The following GRIK3 variants were observed in gnomAD, a reference collection of about 807,000 sequenced individuals.
The protein encoded by GRIK3 is glutamate ionotropic receptor kainate type subunit 3, also known as glutamate receptor ionotropic, kainate 3.
A neutral mutation model predicts 102.5 loss-of-function variants in GRIK3; 29 were observed. That is an observed-to-expected ratio of 0.28 (90% CI 0.21 to 0.39). GRIK3 has a LOEUF of 0.39. GRIK3 is among the 10% of genes least tolerant of loss of function. The pLI is 1.00. For missense variants in GRIK3, 908 were observed against 1,252.4 expected (o/e 0.73, Z 4.15); for synonymous variants, 511 against 504.9 (o/e 1.01, Z -0.16).
chr1:36,976,605 G>A (rs889850961), intron 1 of GRIK3, among the ~76,000 whole-genome samples: 1 of 152,014 alleles, frequency 6.6e-6, no homozygotes, highest in African/African-American at 2.4e-5. Context: ...TGAGGATTGG[G>A]ACCCAGGAGG....
intron 1 of GRIK3, among the ~76,000 whole-genome samples, chr1:37,009,460 T>C (rs510969): frequency 0.43 from 64,873 of 152,092 alleles, 15,655 homozygotes; most frequent in African/African-American, 0.65. Flanking sequence ...CAGGCTCAAC[T>C]CCCAGGGAGC....
intron 1 of GRIK3, among the ~76,000 whole-genome samples, chr1:36,917,673 G>A (rs1570798225): frequency 6.6e-6 from 1 of 152,332 alleles, no homozygotes; most frequent in African/African-American, 2.4e-5. Flanking sequence ...TGCCATGATT[G>A]TAAAGCCTTC....
intron 1 of GRIK3, among the ~76,000 whole-genome samples, chr1:36,913,737 G>A (rs1315591259): frequency 6.6e-6 from 1 of 152,030 alleles, no homozygotes; most frequent in East Asian, 1.9e-4. Context: ...TGGCTTTCTG[G>A]GAGGAGCTCT....
intron 15 of GRIK3, among the ~76,000 whole-genome samples, chr1:36,803,230 A>T (rs1461451515): frequency 6.6e-6 from 1 of 151,988 alleles, no homozygotes; most frequent in Non-Finnish European, 1.5e-5. Context: ...TCAAGAACAC[A>T]CCCTCTGGGG....
chr1:36,960,995 G>C (rs763206863), intron 1 of GRIK3, among the ~76,000 whole-genome samples: 2 of 152,242 alleles, frequency 1.3e-5, no homozygotes, highest in African/African-American at 2.4e-5. Context: ...GGGTGGGTCA[G>C]TGGTCATTCC....
At chr1:36,918,788 G>C (rs752606606) in intron 1 of GRIK3, among the ~76,000 whole-genome samples, 14 of 152,154 alleles carry the variant, frequency 9.2e-5, no homozygotes, top group African/African-American at 4.8e-5. Context: ...ACAGTGCCTG[G>C]AAACTGAGCC....
intron 1 of GRIK3, among the ~76,000 whole-genome samples, chr1:36,987,715 T>C (rs903037971): frequency 2.0e-5 from 3 of 151,980 alleles, no homozygotes; most frequent in Non-Finnish European, 4.4e-5. Context: ...GGTGGGTGCA[T>C]GGGTATATGG....
At position 36,798,489 on chromosome 1, in the gene GRIK3, A is replaced by T. The variant is rs1187515812; in HGVS notation, c.*3362T>A. 1 of 152,288 alleles carries T rather than the reference A, an allele frequency of 6.6e-6. No individual in the cohort carries two copies. Among genetic ancestry groups the T allele is most frequent in the East Asian group, 1.9e-4 (1 of 5,190 alleles). The allele number at this position is 152,288 out of a possible 1,614,324, so 9.4% of individuals were successfully genotyped here. ...CACATGCATACACACACATACACAC[A>T]CACGCATGCACCTGCCCCAGCTCAG... On this transcript the variant is annotated 3_prime_UTR_variant, in exon 16 of 16. Transcript: ENST00000373091.
chr1:36,815,984 C>T (rs950285489), intron 13 of GRIK3, among the ~76,000 whole-genome samples: 3 of 151,742 alleles, frequency 2.0e-5, no homozygotes, highest in Non-Finnish European at 4.4e-5. Flanking sequence ...CTCCTGACCT[C>T]GTGATCAGCT....
At chr1:37,020,021 G>C (rs1344150235) in intron 1 of GRIK3, among the ~76,000 whole-genome samples, 2 of 152,182 alleles carry the variant, frequency 1.3e-5, no homozygotes, top group Non-Finnish European at 2.9e-5. Context: ...AAATTCCTCA[G>C]AGGCAAGTGA....
intron 1 of GRIK3, among the ~76,000 whole-genome samples, chr1:36,951,062 GAGA>G (rs1187517838): frequency 1.3e-5 from 2 of 152,254 alleles, no homozygotes; most frequent in African/African-American, 2.4e-5. Context: ...CCCAGGAAAG[GAGA>G]AGGTCTGGAG....
Position 36,872,270 on chromosome 1 carries a change from A to G in GRIK3, c.650T>C (p.Leu217Ser), listed in dbSNP as rs144715955. 1 of 1,613,210 alleles carries G rather than the reference A, an allele frequency of 6.2e-7. No homozygotes were observed. Among genetic ancestry groups the G allele is most frequent in the Non-Finnish European group, 8.5e-7 (1 of 1,179,670 alleles). The change falls in exon 4 of 16, where the codon TTG (leucine) becomes TCG (serine). Residue 217 changes from leucine to serine, a missense_variant. Leu to Ser is a moderately radical substitution (Grantham distance 145). Transcript: ENST00000373091. The surrounding 1 kb of genome is among the most constrained non-coding windows in gnomAD (Gnocchi z 5.9). The part of the protein sequence containing the change: ...LPIDSDDSRP[L>S]LKEMKRGREF... ...CCGGCCTCGCTTCATCTCCTTGAGC[A>G]AGGGGCGCGAGTCGTCAGAGTCGAT... is the stretch of plus-strand genomic sequence containing the variant.
chr1:36,933,924 C>T (rs536846249), intron 1 of GRIK3, among the ~76,000 whole-genome samples: 21 of 152,318 alleles, frequency 1.4e-4, no homozygotes, highest in African/African-American at 3.8e-4. Flanking sequence ...CGCCCCCCAC[C>T]ACCTCATCTT....
Position 36,986,470 on chromosome 1 carries a change from C to CAG in GRIK3, c.115+47523_115+47524insCT, listed in dbSNP as rs1642307755. Among the ~76,000 whole-genome samples the CAG allele has an allele frequency of 2.0e-4, 28 of 142,690 alleles. No individual in the cohort carries two copies. The East Asian group carries it at 4.4e-3, about 23-fold the overall frequency. 93.6% of individuals were successfully genotyped at this position (142,690 alleles called of 152,430 possible). ...TCCATCCATCCATCCATCAGCCCATCCATCCATCCATCCATCCATCCATCC... is the reference window on the plus strand; with the variant it reads ...TCCATCCATCCATCCATCAGCCCATCAGCATCCATCCATCCATCCATCCATCC... On this transcript the variant is annotated intron_variant, in intron 1 of 15. Coordinates refer to ENST00000373091, the MANE Select transcript of GRIK3 (RefSeq NM_000831.4).
At chr1:36,979,295 AAT>A (rs1213096383) in intron 1 of GRIK3, among the ~76,000 whole-genome samples, 11 of 152,270 alleles carry the variant, frequency 7.2e-5, no homozygotes, top group African/African-American at 2.2e-4. Flanking sequence ...GGCATGTGCC[AAT>A]GAACCAACAG....
rs1486232096 is a variant in GRIK3 at position 36,860,105 on chromosome 1, GC to G, written c.787-89del. On this transcript the variant is annotated intron_variant, in intron 5 of 15. Coordinates refer to ENST00000373091, the MANE Select transcript of GRIK3 (RefSeq NM_000831.4). ...TCCTACCCACTCCCTAATCAGGGCC[GC>G]CCCAGGGCCTGAGGTCGCAGCTCCC... 18 of 1,035,122 alleles carry G rather than the reference GC, an allele frequency of 1.7e-5. No individual in the cohort carries two copies. The East Asian group carries it at 3.5e-4, about 20-fold the overall frequency. The allele number at this position is 1,035,122 out of a possible 1,614,324, so 64.1% of individuals were successfully genotyped here. A position where few individuals can be genotyped will look rare whatever the true frequency, so the allele number is the denominator to read the frequency against.
chr1:36,864,374 G>A (rs1478758541), intron 5 of GRIK3, among the ~76,000 whole-genome samples: 2 of 152,212 alleles, frequency 1.3e-5, no homozygotes, highest in East Asian at 1.9e-4. Flanking sequence ...GCTGAGCTCT[G>A]CCTACAGGGG....
intron 1 of GRIK3, among the ~76,000 whole-genome samples, chr1:36,944,213 G>A (rs1296145991): frequency 1.3e-5 from 2 of 152,218 alleles, no homozygotes; most frequent in African/African-American, 4.8e-5. Flanking sequence ...AGGGAGGAGA[G>A]GAGAGAGGAG....
rs115354324 is a variant in GRIK3, at chr1:36,803,375, C to G, written c.2566-1330G>C. 2.0e-5 allele frequency among the ~76,000 whole-genome samples: 3 copies of G among 152,118 alleles called. No individual in the cohort carries two copies. The South Asian group carries it at 6.2e-4, about 32-fold the overall frequency. On this transcript the variant is annotated intron_variant, in intron 15 of 15. Transcript: ENST00000373091. ...GAAGTGGGCAGAGAAGTGGAGTAGA[C>G]AGATCCTTTAGGCTTTTTGGTGGAA...
Sources: gnomAD v4.1 joint callset for allele counts (sites outside exome capture counted in the v4.1 genomes callset) on GRCh38, gnomAD v4.1.1 for gene constraint, Gnocchi (gnomAD v3.1) non-coding constraint, MANE v1.5 for transcripts, NCBI Gene and HGNC (gene_info 2026-07-23, HGNC 2026-07-21) for gene names.